Variants in TENM3 observed in about 807,000 individuals in gnomAD.
The protein encoded by TENM3 is teneurin-3.
A neutral mutation model predicts 255.1 loss-of-function variants in TENM3; 63 were observed. That is an observed-to-expected ratio of 0.25 (90% confidence interval 0.20 to 0.30). The LOEUF (loss-of-function observed/expected upper bound fraction) is 0.30. Ranked by LOEUF, TENM3 falls within the 10% of genes least tolerant of loss-of-function variation. The pLI, the probability that TENM3 is intolerant of heterozygous loss-of-function variation, is 1.00. For synonymous variants in TENM3, 1,306 were observed against 1,322.3 expected (o/e 0.99, Z 0.27); for missense variants, 2,929 against 3,461.1 (o/e 0.85, Z 3.86).
chr4:182,365,782 T>A lies in TENM3; in HGVS notation c.511+18853T>A, dbSNP rs930473436. On this transcript the variant is annotated intron_variant, in intron 3 of 27. Transcript: ENST00000511685. ...TCAGAGAAATGCATCGTTGGACAAT[T>A]TTGTCATTGTGTGAACATCATGGTG... Among the ~76,000 whole-genome samples, 3 of 152,150 alleles carry A rather than the reference T, an allele frequency of 2.0e-5. No homozygotes were observed. In the East Asian group the frequency reaches 5.8e-4, roughly 29 times the overall value.
chr4:182,739,991 G>A (rs1054091177), intron 18 of TENM3, among the ~76,000 whole-genome samples: 2 of 152,156 alleles, frequency 1.3e-5, no homozygotes, highest in African/African-American at 4.8e-5. Context: ...AGCTAAGATC[G>A]TGCCACTGCA....
the TENM3 span, among the ~76,000 whole-genome samples, chr4:181,454,293 T>C: frequency 6.6e-6 from 1 of 152,182 alleles, no homozygotes; most frequent in African/African-American, 2.4e-5. Context: ...TAAACTGGTT[T>C]AATATACAGT....
At chr4:182,029,463 T>C in the TENM3 span, among the ~76,000 whole-genome samples, 1 of 151,688 alleles carries the variant, frequency 6.6e-6, no homozygotes, top group Non-Finnish European at 1.5e-5. Flanking sequence ...TATTAGGGCC[T>C]ATCTCTCTCT....
chr4:182,171,934 A>G (rs1432817580), intron 1 of TENM3, among the ~76,000 whole-genome samples: 1 of 147,368 alleles, frequency 6.8e-6, no homozygotes, highest in Non-Finnish European at 1.5e-5. Context: ...TTTCTTCTTT[A>G]TTGTACCTTA....
chr4:182,498,646 G>C (rs1044524656), intron 3 of TENM3, among the ~76,000 whole-genome samples: 1 of 152,138 alleles, frequency 6.6e-6, no homozygotes, highest in African/African-American at 2.4e-5. Flanking sequence ...CTGAGGTCAG[G>C]AGTTTGAGAC....
intron 1 of TENM3, among the ~76,000 whole-genome samples, chr4:182,278,841 A>G (rs1268593391): frequency 6.6e-6 from 1 of 152,170 alleles, no homozygotes; most frequent in African/African-American, 2.4e-5. Context: ...GGGGATAACA[A>G]GAGATTTAAG....
chr4:181,941,542 G>C, the TENM3 span, among the ~76,000 whole-genome samples: 5 of 152,194 alleles, frequency 3.3e-5, no homozygotes, highest in South Asian at 4.1e-4. Flanking sequence ...AGATGGGTGT[G>C]TTCTTTCTAT....
the TENM3 span, among the ~76,000 whole-genome samples, chr4:182,097,977 T>C: frequency 6.6e-6 from 1 of 151,452 alleles, no homozygotes; most frequent in Admixed American, 6.6e-5. Flanking sequence ...AACAACTTAG[T>C]AGGAAAAAAA....
intron 1 of TENM3, among the ~76,000 whole-genome samples, chr4:182,161,652 T>TATATATATGTATATATATATAC (rs1561152567): frequency 1.3e-5 from 1 of 75,582 alleles, no homozygotes; most frequent in Non-Finnish European, 2.5e-5. Flanking sequence ...TATATATATA[T>TATATATATGTATATATATATAC]ACACACACAC....
At chr4:182,028,768 G>A in the TENM3 span, among the ~76,000 whole-genome samples, 1 of 152,018 alleles carries the variant, frequency 6.6e-6, no homozygotes, top group African/African-American at 2.4e-5. Flanking sequence ...AATTCCTCTT[G>A]TTATTGATTT....
At chr4:182,671,704 A>G (rs140029580) in intron 6 of TENM3, among the ~76,000 whole-genome samples, 1 of 152,342 alleles carries the variant, frequency 6.6e-6, no homozygotes, top group African/African-American at 2.4e-5. Context: ...GCAGACACTC[A>G]GTAAAAATGA....
the TENM3 span, among the ~76,000 whole-genome samples, chr4:181,991,512 A>C: frequency 6.6e-6 from 1 of 152,108 alleles, no homozygotes; most frequent in Non-Finnish European, 1.5e-5. Flanking sequence ...TAAGTAATTG[A>C]TTTGAACCCA....
the TENM3 span, among the ~76,000 whole-genome samples, chr4:181,589,465 A>G: frequency 6.6e-6 from 1 of 152,232 alleles, no homozygotes; most frequent in Non-Finnish European, 1.5e-5. Flanking sequence ...ATTTAAAACA[A>G]TTGTGGTTCA....
At chr4:181,799,891 T>G in the TENM3 span, among the ~76,000 whole-genome samples, 1 of 152,106 alleles carries the variant, frequency 6.6e-6, no homozygotes, top group South Asian at 2.1e-4. Flanking sequence ...TATTAGGAAG[T>G]GGGAATTCAA....
the TENM3 span, among the ~76,000 whole-genome samples, chr4:181,570,245 C>T: frequency 6.6e-6 from 1 of 151,886 alleles, no homozygotes; most frequent in African/African-American, 2.4e-5. Flanking sequence ...CGGGGTTTCA[C>T]CTTGTTAGCC....
the TENM3 span, among the ~76,000 whole-genome samples, chr4:181,958,535 T>C: frequency 1.3e-5 from 2 of 152,196 alleles, no homozygotes; most frequent in Non-Finnish European, 2.9e-5. Flanking sequence ...TTAATAATTT[T>C]GTAAAATTCC....
the TENM3 span, among the ~76,000 whole-genome samples, chr4:181,991,216 T>C: frequency 6.6e-6 from 1 of 152,202 alleles, no homozygotes; most frequent in African/African-American, 2.4e-5. Flanking sequence ...GTTCAACCTC[T>C]TACAAATGAA....
At chr4:181,741,020 G>T in the TENM3 span, among the ~76,000 whole-genome samples, 1 of 152,166 alleles carries the variant, frequency 6.6e-6, no homozygotes. Flanking sequence ...ATCCTGAGCT[G>T]ATGATCTCGT....
chr4:182,287,033 C>A (rs1375411520), intron 1 of TENM3, among the ~76,000 whole-genome samples: 2 of 152,104 alleles, frequency 1.3e-5, no homozygotes, highest in African/African-American at 2.4e-5. Flanking sequence ...TCAAGACCAG[C>A]CTGAGTAACA....
Sources: gnomAD v4.1 joint callset for allele counts (sites outside exome capture counted in the v4.1 genomes callset) on GRCh38, gnomAD v4.1.1 for gene constraint, MANE v1.5 for transcripts, NCBI Gene and HGNC (gene_info 2026-07-23, HGNC 2026-07-21) for gene names.